Variants in ADGRL4 observed in about 807,000 individuals in gnomAD.
The protein encoded by ADGRL4 is EGF, latrophilin and seven transmembrane domain containing 1.
Under a neutral mutation model 74.8 loss-of-function variants are expected in ADGRL4, and 90 were observed. The observed-to-expected ratio is 1.20, with a 90% CI of 1.02 to 1.43. The LOEUF is 1.43. Among genes scored for constraint, ADGRL4 ranks in the 40% most tolerant of loss-of-function variants. The pLI, the probability that ADGRL4 is intolerant of heterozygous loss-of-function variation, is 0.00. For missense variants in ADGRL4, 881 were observed against 814.3 expected, an observed-to-expected ratio of 1.08 and a Z score of -1.00; for synonymous variants, 311 against 279.2, an observed-to-expected ratio of 1.11 and a Z score of -1.14.
At position 78,927,032 on chromosome 1, in the gene ADGRL4, C is replaced by G; in HGVS notation, c.937G>C (p.Asp313His). The G allele has an allele frequency of 1.2e-6, 2 of 1,609,704 alleles. No individual in the cohort carries two copies. Among genetic ancestry groups the G allele is most frequent in the Middle Eastern group, 1.8e-4 (1 of 5,636 alleles). Residue 313 changes from aspartate to histidine, a missense_variant, in exon 8 of 15, where the codon GAC becomes CAC. By Grantham distance (81) the Asp-to-His change is moderately conservative (BLOSUM62 -1). Transcript: ENST00000370742. ...TTTTGAGGTTTCAATAAGAAGTTGT[C>G]AGATGATGAAAGCAAAGGACCAATA... ...KSIGPLLSSSDNFLLKPQNYD... is the reference protein window; with the variant it reads ...KSIGPLLSSSHNFLLKPQNYD...
chr1:78,925,371 G>T (rs983706272), intron 8 of ADGRL4, among the ~76,000 whole-genome samples: 11 of 151,938 alleles, frequency 7.2e-5, no homozygotes, highest in African/African-American at 2.7e-4. Context: ...AAAAAACTTA[G>T]AATACTGCCT....
Position 78,917,581 on chromosome 1 carries a change from A to G in ADGRL4, c.1749+53T>C, listed in dbSNP as rs1473813911. 1.8e-5 allele frequency: 22 copies of G among 1,198,176 alleles called. No homozygotes were observed. In the East Asian group the frequency reaches 5.5e-4, roughly 30 times the overall value. The allele number at this position is 1,198,176 out of a possible 1,614,324, so 74.2% of individuals were successfully genotyped here. On this transcript the variant is annotated intron_variant, in intron 12 of 14. Transcript: ENST00000370742. The stretch of plus-strand genomic sequence containing the variant: ...CACCTTATTGCTGGAAATTTTAAGC[A>G]CCCTATGATCATCACTTTTTTGAAT...
At chr1:78,954,585 A>T (rs1420414941) in intron 2 of ADGRL4, among the ~76,000 whole-genome samples, 2 of 152,184 alleles carry the variant, frequency 1.3e-5, no homozygotes, top group Non-Finnish European at 2.9e-5. Context: ...TATTTTATTA[A>T]CAATAAACAT....
At chr1:78,981,512 A>G (rs1456511618) in intron 2 of ADGRL4, among the ~76,000 whole-genome samples, 1 of 151,910 alleles carries the variant, frequency 6.6e-6, no homozygotes, top group Non-Finnish European at 1.5e-5. Flanking sequence ...GATGAAGATT[A>G]TAGGAATTTA....
In ADGRL4 at chr1:78,937,983, A is replaced by G. The variant is rs906201990; in HGVS notation, c.584T>C (p.Val195Ala). ...TLSNSTLTEF[V>A]KTVNNFVQRD... ...TTGAACAAAATTATTCACGGTTTTT[A>G]CAAATTCCTATTGAAAAAAAGTATG... The change falls in exon 6 of 15, where the codon GTA (valine) becomes GCA (alanine). Residue 195 changes from valine (V) to alanine (A), a missense_variant. Transcript: ENST00000370742. 1.9e-6 allele frequency: 3 copies of G among 1,609,398 alleles called. No homozygotes were observed. The African/African-American group carries it at 4.0e-5, about 22-fold the overall frequency.
rs1649126729 is a variant in ADGRL4 at position 78,926,908 on chromosome 1, G to A, written c.1061C>T (p.Thr354Ile). ...PPTLYELEKI[T>I]FTLSHRKVTD... is the part of the protein sequence containing the mutation. Reference sequence around the variant, plus strand: ...TACCTTTCGATGACTTAATGTAAATGTTATTTTTTCAAGTTCATATAATGT... The same window carrying A: ...TACCTTTCGATGACTTAATGTAAATATTATTTTTTCAAGTTCATATAATGT... The change falls in exon 8 of 15, where the codon ACA becomes ATA. Residue 354 changes from threonine (T) to isoleucine (I), a missense_variant. By Grantham distance (89) the Thr-to-Ile change is moderately conservative (BLOSUM62 -1). Coordinates refer to ENST00000370742, the MANE Select transcript of ADGRL4 (RefSeq NM_022159.4). The A allele has an allele frequency of 6.2e-7, 1 of 1,610,994 alleles. No homozygotes were observed. The highest frequency in any genetic ancestry group is 1.7e-5 in the Admixed American group (1 of 59,784).
chr1:78,971,909 C>A (rs1233174410), intron 2 of ADGRL4, among the ~76,000 whole-genome samples: 1 of 152,088 alleles, frequency 6.6e-6, no homozygotes, highest in Non-Finnish European at 1.5e-5. Context: ...GCATGTGCCA[C>A]CATGCCCAGC....
intron 2 of ADGRL4, among the ~76,000 whole-genome samples, chr1:78,996,352 C>A (rs77517135): frequency 0.43 from 65,953 of 151,980 alleles, 14,321 homozygotes; most frequent in East Asian, 0.59. Context: ...TAATATATTC[C>A]ATTACTACTT....
chr1:78,969,815 G>A (rs940205620), intron 2 of ADGRL4, among the ~76,000 whole-genome samples: 2 of 151,704 alleles, frequency 1.3e-5, no homozygotes, highest in East Asian at 3.9e-4. Flanking sequence ...CTACATTTTA[G>A]AGTAACCCTT....
In ADGRL4 at chr1:78,902,993, T is replaced by C. The variant is rs528054087; in HGVS notation, c.1750-9804A>G. On this transcript the variant is annotated intron_variant, in intron 12 of 14. Transcript: ENST00000370742. ...TGATAGTGGTTTCCAAAGTGGATTG[T>C]CAAAAAAATATAAATTGGGGTACAT... Among the ~76,000 whole-genome samples, 3 of 152,272 alleles carry C rather than the reference T, an allele frequency of 2.0e-5. No individual in the cohort carries two copies. The South Asian group carries it at 6.2e-4, about 32-fold the overall frequency.
At chr1:78,938,912 T>C (rs1404920175) in intron 4 of ADGRL4, among the ~76,000 whole-genome samples, 2 of 152,092 alleles carry the variant, frequency 1.3e-5, no homozygotes, top group African/African-American at 4.8e-5. Flanking sequence ...TACTATTTTT[T>C]AATCAACATT....
intron 2 of ADGRL4, among the ~76,000 whole-genome samples, chr1:78,962,846 A>C (rs1649982582): frequency 6.6e-6 from 1 of 152,174 alleles, no homozygotes; most frequent in Non-Finnish European, 1.5e-5. Flanking sequence ...CTATGGCTAC[A>C]CAAAACTAAG....
intron 2 of ADGRL4, among the ~76,000 whole-genome samples, chr1:78,981,537 T>G (rs918451889): frequency 1.3e-4 from 20 of 151,906 alleles, no homozygotes; most frequent in African/African-American, 4.3e-4. Flanking sequence ...GCCATTGCAG[T>G]CAGTGGATAC....
At chr1:78,951,839 A>G (rs1430753633) in intron 2 of ADGRL4, among the ~76,000 whole-genome samples, 1 of 152,186 alleles carries the variant, frequency 6.6e-6, no homozygotes, top group African/African-American at 2.4e-5. Context: ...AGTGTACTTT[A>G]TCATAAAGTG....
chr1:79,001,957 G>T (rs1373846003), intron 2 of ADGRL4, among the ~76,000 whole-genome samples: 1 of 151,854 alleles, frequency 6.6e-6, no homozygotes. Flanking sequence ...AAAAATGTTT[G>T]CATTAATAAT....
chr1:78,941,474 G>C (rs371879691), intron 3 of ADGRL4, among the ~76,000 whole-genome samples: 3 of 152,062 alleles, frequency 2.0e-5, no homozygotes, highest in Non-Finnish European at 4.4e-5. Flanking sequence ...AAACTACTAT[G>C]TTCTTTGAAT....
intron 2 of ADGRL4, among the ~76,000 whole-genome samples, chr1:78,993,084 A>C (rs1376462528): frequency 6.6e-6 from 1 of 152,136 alleles, no homozygotes; most frequent in Non-Finnish European, 1.5e-5. Flanking sequence ...GTAACACTTA[A>C]GGAGGGTTAA....
intron 2 of ADGRL4, among the ~76,000 whole-genome samples, chr1:78,953,136 G>A (rs1649764615): frequency 6.6e-6 from 1 of 152,024 alleles, no homozygotes; most frequent in African/African-American, 2.4e-5. Context: ...TGTACATATT[G>A]GAAACCACTT....
At chr1:78,976,457 C>T (rs1650284545) in intron 2 of ADGRL4, among the ~76,000 whole-genome samples, 1 of 151,334 alleles carries the variant, frequency 6.6e-6, no homozygotes, top group South Asian at 2.1e-4. Flanking sequence ...GAAAAAAAAT[C>T]CTCTATAAAG....
Sources: allele counts gnomAD v4.1 joint callset (sites outside exome capture counted in the v4.1 genomes callset), GRCh38; gene constraint gnomAD v4.1.1; transcripts MANE v1.5; gene names NCBI Gene and HGNC (gene_info 2026-07-23, HGNC 2026-07-21).